CRYBG1: variants seen among roughly 807,000 people sequenced by gnomAD.
CRYBG1 encodes the protein crystallin beta-gamma domain containing 1, also known as beta/gamma crystallin domain-containing protein 1.
In CRYBG1, 139 loss-of-function variants were observed where a neutral mutation model predicts 189.2. The ratio of observed to expected loss-of-function variants is 0.73; its 90% CI spans 0.64 to 0.85. CRYBG1 has a LOEUF of 0.85. Among genes scored for constraint, CRYBG1 ranks in the 40% least tolerant of loss-of-function variants. CRYBG1 has a pLI of 0.00. For missense variants in CRYBG1, 2,611 were observed against 2,675.8 expected (o/e 0.98, Z 0.53); for synonymous variants, 1,023 against 1,017.1 (o/e 1.01, Z -0.11).
intron 1 of CRYBG1, chr6:106,420,683 T>C (rs1771106822): frequency 6.5e-6 from 1 of 152,974 alleles, no homozygotes; most frequent in East Asian, 1.9e-4. Flanking sequence ...TTGGCAAAAA[T>C]TTCTGTCAAA....
chr6:106,563,642 T>C (rs1774789622), intron 20 of CRYBG1, 122 bp from the exon 21 acceptor site: 1 of 968,278 alleles, frequency 1.0e-6, no homozygotes, highest in East Asian at 2.6e-5. Flanking sequence ...AACTGCCTCA[T>C]GTGGGGTAAA....
intron 8 of CRYBG1, among the ~76,000 whole-genome samples, chr6:106,537,245 A>G (rs1774026350): frequency 6.6e-6 from 1 of 152,238 alleles, no homozygotes; most frequent in Non-Finnish European, 1.5e-5. Flanking sequence ...TTCGGTAAGA[A>G]TCATTTCAAA....
chr6:106,561,255 A>G, intron 19 of CRYBG1, 87 bp from the exon 20 acceptor site: 1 of 1,405,166 alleles, frequency 7.1e-7, no homozygotes, highest in Admixed American at 2.0e-5. Context: ...TCCATATCTC[A>G]CTTTGGATTC....
rs576739372 is a variant in CRYBG1 at position 106,393,359 on chromosome 6, G to A, written c.173+32278G>A. Reference sequence around the variant, plus strand: ...ACCTAGCACTGACCAGTATGCACCCGTGCAGCCTCACCATCGTTAAAGGGT... The same window carrying A: ...ACCTAGCACTGACCAGTATGCACCCATGCAGCCTCACCATCGTTAAAGGGT... On this transcript the variant is annotated intron_variant, in intron 1 of 21. Transcript: ENST00000633556. Among the ~76,000 whole-genome samples the A allele has an allele frequency of 3.1e-3, 479 of 152,218 alleles. 4 individuals are homozygous for A. Among genetic ancestry groups the A allele is most frequent in the African/African-American group, 0.01 (431 of 41,522 alleles).
intron 2 of CRYBG1, chr6:106,454,792 A>G (rs1280860431): frequency 1.3e-5 from 2 of 152,260 alleles, no homozygotes; most frequent in Non-Finnish European, 2.9e-5. Context: ...AAAGTAGACA[A>G]TATTGTATTG....
chr6:106,442,714 GTGA>G (rs1027917543), intron 1 of CRYBG1, among the ~76,000 whole-genome samples: 5 of 152,214 alleles, frequency 3.3e-5, no homozygotes, highest in African/African-American at 1.2e-4. Context: ...CAGAGCATCT[GTGA>G]TGTGACAGAT....
intron 1 of CRYBG1, among the ~76,000 whole-genome samples, chr6:106,428,609 A>G (rs1031259880): frequency 2.0e-5 from 3 of 152,206 alleles, no homozygotes; most frequent in Non-Finnish European, 4.4e-5. Context: ...TCCTTATTCT[A>G]CAGGTGAAGA....
At chr6:106,401,873 G>A (rs1357427664) in intron 1 of CRYBG1, among the ~76,000 whole-genome samples, 5 of 151,184 alleles carry the variant, frequency 3.3e-5, no homozygotes, top group African/African-American at 9.8e-5. Context: ...ACATACGTGT[G>A]CATGTGTCTT....
chr6:106,499,619 A>G (rs1772957335), intron 2 of CRYBG1, among the ~76,000 whole-genome samples: 1 of 152,002 alleles, frequency 6.6e-6, no homozygotes, highest in African/African-American at 2.4e-5. Flanking sequence ...TATACATTGA[A>G]ATTATTGTAT....
rs1211194987 is a variant in CRYBG1 at position 106,539,507 on chromosome 6, G to T, written c.4823G>T (p.Gly1608Val). 10 of 1,612,986 alleles carry T rather than the reference G, an allele frequency of 6.2e-6. No homozygotes were observed. The highest frequency in any genetic ancestry group is 7.6e-6 in the Non-Finnish European group (9 of 1,179,532). The change falls in exon 9 of 22, where the codon GGA becomes GTA. Residue 1608 changes from glycine to valine, a missense_variant. Gly to Val is a moderately radical substitution (Grantham distance 109). This residue lies in a region of CRYBG1 where 1,622 missense variants were observed against 1,735.0 expected (regional missense o/e 0.93). Transcript: ENST00000633556. The part of the protein sequence containing the change: ...SFWDTEEAYI[G>V]SMRPLKMGGR... ...TGGGATACAGAAGAAGCGTACATTG[G>T]ATCCATGCGGCCTCTGAAAATGGTA...
intron 1 of CRYBG1, among the ~76,000 whole-genome samples, chr6:106,443,336 A>G (rs533520349): frequency 1.1e-4 from 17 of 152,362 alleles, no homozygotes; most frequent in East Asian, 3.9e-4. Context: ...AATGTTTTAT[A>G]TAATTGTTAA....
chr6:106,387,708 G>A (rs2114330776), intron 1 of CRYBG1, among the ~76,000 whole-genome samples: 1 of 152,274 alleles, frequency 6.6e-6, no homozygotes, highest in Non-Finnish European at 1.5e-5. Flanking sequence ...ATTTTGTTGT[G>A]GGGAGGGGTG....
chr6:106,525,056 C>CA (rs761984572), intron 4 of CRYBG1, 77 bp from the exon 5 acceptor site: 1 of 1,457,646 alleles, frequency 6.9e-7, no homozygotes, highest in Non-Finnish European at 9.6e-7. Flanking sequence ...GATCTACCTA[C>CA]AGGATCGTGG....
chr6:106,403,995 A>C (rs559677987), intron 1 of CRYBG1, among the ~76,000 whole-genome samples: 3 of 152,360 alleles, frequency 2.0e-5, no homozygotes, highest in African/African-American at 7.2e-5. Context: ...AAAAGTATCA[A>C]AGTTAAGTAA....
chr6:106,399,468 G>A (rs1409491598), intron 1 of CRYBG1, among the ~76,000 whole-genome samples: 1 of 152,060 alleles, frequency 6.6e-6, no homozygotes, highest in Non-Finnish European at 1.5e-5. Flanking sequence ...CTCTGTTAGT[G>A]TTGAACTTGC....
At chr6:106,493,065 A>T (rs970560978) in intron 2 of CRYBG1, among the ~76,000 whole-genome samples, 6 of 151,970 alleles carry the variant, frequency 3.9e-5, no homozygotes, top group African/African-American at 1.5e-4. Context: ...AAGAGTTTAG[A>T]TCAGGAAAAA....
In CRYBG1 at chr6:106,563,840, A is replaced by G. The variant is rs1422658943; in HGVS notation, c.6215A>G (p.Gln2072Arg). Residue 2072 changes from glutamine (Q) to arginine (R), a missense_variant, in exon 21 of 22, where the codon CAG becomes CGG. Gln to Arg is a conservative substitution (Grantham distance 43). Transcript: ENST00000633556. The part of the protein sequence containing the change: ...SGSKLGLALD[Q>R]NADSQFWSLK... ...TCCAAGCTAGGCCTGGCCCTGGACC[A>G]GAATGCTGACAGCCAGTTCTGGAGC... 6.2e-7 allele frequency: 1 copy of G among 1,613,932 alleles called. No individual in the cohort carries two copies. The highest frequency in any genetic ancestry group is 8.5e-7 in the Non-Finnish European group (1 of 1,179,764).
At chr6:106,537,954 T>A (rs1412842148) in intron 8 of CRYBG1, among the ~76,000 whole-genome samples, 1 of 152,090 alleles carries the variant, frequency 6.6e-6, no homozygotes, top group Non-Finnish European at 1.5e-5. Flanking sequence ...CCGCCAAAAA[T>A]GTGCCTTGGG....
At chr6:106,394,809 C>T (rs550890623) in intron 1 of CRYBG1, among the ~76,000 whole-genome samples, 51 of 150,936 alleles carry the variant, frequency 3.4e-4, no homozygotes, top group African/African-American at 1.2e-3. Flanking sequence ...GTAGGTAGTG[C>T]AGTGCCTTAG....
Sources: allele counts gnomAD v4.1 joint callset (sites outside exome capture counted in the v4.1 genomes callset), GRCh38; gene constraint gnomAD v4.1.1; regional missense constraint gnomAD v4.1.1; transcripts MANE v1.5; gene names NCBI Gene and HGNC (gene_info 2026-07-23, HGNC 2026-07-21).